Variants in DLGAP2 observed in about 807,000 individuals in gnomAD.
DLGAP2 encodes the protein disks large-associated protein 2.
In DLGAP2, 26 loss-of-function variants were observed where a neutral mutation model predicts 100.3. That is an observed-to-expected ratio of 0.26 (90% CI 0.19 to 0.36). The LOEUF is 0.36. DLGAP2 is among the 10% of genes least tolerant of loss of function. The probability of loss-of-function intolerance (pLI) is 1.00; values close to 1 mark genes in which losing one functional copy is unlikely to be tolerated. For synonymous variants in DLGAP2, 886 were observed against 630.1 expected, an observed-to-expected ratio of 1.41 and a Z score of -6.08; for missense variants, 1,858 against 1,453.2, an observed-to-expected ratio of 1.28 and a Z score of -4.53.
At chr8:1,156,965 T>C (rs961830216) in intron 2 of DLGAP2, among the ~76,000 whole-genome samples, 1 of 152,084 alleles carries the variant, frequency 6.6e-6, no homozygotes, top group East Asian at 1.9e-4. Flanking sequence ...CCGTGCTTAA[T>C]TCTCCACTGT....
At chr8:1,682,377 T>G (rs1798973124) in intron 12 of DLGAP2, among the ~76,000 whole-genome samples, 1 of 152,228 alleles carries the variant, frequency 6.6e-6, no homozygotes, top group South Asian at 2.1e-4. Flanking sequence ...TTCCAGAATA[T>G]TCTATAAATT....
intron 2 of DLGAP2, among the ~76,000 whole-genome samples, chr8:1,140,401 C>A (rs930419555): frequency 6.6e-6 from 1 of 152,172 alleles, no homozygotes; most frequent in South Asian, 2.1e-4. Context: ...ATGCCTCATG[C>A]CCTAGGGTGC....
intron 6 of DLGAP2, among the ~76,000 whole-genome samples, chr8:1,580,453 A>T (rs143807546): frequency 1.1e-4 from 16 of 152,354 alleles, no homozygotes; most frequent in African/African-American, 3.8e-4. Flanking sequence ...TGGGAATCGA[A>T]AGGCAGAAAA....
At chr8:1,554,817 C>G (rs950365259) in intron 5 of DLGAP2, among the ~76,000 whole-genome samples, 1 of 147,198 alleles carries the variant, frequency 6.8e-6, no homozygotes, top group Non-Finnish European at 1.5e-5. Context: ...CCCACCAGTT[C>G]AGGAAGGCTG....
chr8:860,050 A>T (rs1221091760), intron 1 of DLGAP2, among the ~76,000 whole-genome samples: 1 of 152,194 alleles, frequency 6.6e-6, no homozygotes, highest in Non-Finnish European at 1.5e-5. Flanking sequence ...TAAATACTAA[A>T]TTTGGTTTTA....
chr8:913,535 T>C (rs1255582955), intron 2 of DLGAP2, among the ~76,000 whole-genome samples: 2 of 152,238 alleles, frequency 1.3e-5, no homozygotes, highest in Non-Finnish European at 2.9e-5. Context: ...CCTAAAGCTA[T>C]GTAGACAATG....
At chr8:1,507,686 C>T (rs753607754) in intron 4 of DLGAP2, among the ~76,000 whole-genome samples, 1 of 151,074 alleles carries the variant, frequency 6.6e-6, no homozygotes, top group African/African-American at 2.5e-5. Flanking sequence ...ATGTGCTGAG[C>T]TTCTGTCTAG....
chr8:1,280,386 C>A (rs114049340), intron 3 of DLGAP2, among the ~76,000 whole-genome samples: 481 of 152,292 alleles, frequency 3.2e-3, no homozygotes, highest in African/African-American at 0.011. Context: ...CTACCTGCGT[C>A]ATAATACTTA....
intron 3 of DLGAP2, among the ~76,000 whole-genome samples, chr8:1,376,867 G>T (rs184413422): frequency 6.6e-6 from 1 of 152,162 alleles, no homozygotes; most frequent in African/African-American, 2.4e-5. Flanking sequence ...AAATGTGCAC[G>T]GGTAGGAAAT....
intron 3 of DLGAP2, among the ~76,000 whole-genome samples, chr8:1,483,615 C>T (rs1443630880): frequency 6.8e-6 from 1 of 148,108 alleles, no homozygotes; most frequent in Admixed American, 6.6e-5. Context: ...GAAGGCTGAA[C>T]TGCTGTGCAG....
intron 3 of DLGAP2, among the ~76,000 whole-genome samples, chr8:1,336,366 C>A (rs1235561631): frequency 6.6e-6 from 1 of 152,168 alleles, no homozygotes; most frequent in African/African-American, 2.4e-5. Context: ...AAGGAAAGAG[C>A]TGGAGGAAAA....
At chr8:1,091,724 T>C (rs939043689) in intron 2 of DLGAP2, among the ~76,000 whole-genome samples, 5 of 152,146 alleles carry the variant, frequency 3.3e-5, no homozygotes, top group East Asian at 3.9e-4. Flanking sequence ...GTTGTTGACG[T>C]TGCGTGTCTC....
chr8:1,206,483 C>T (rs200598820), intron 2 of DLGAP2, among the ~76,000 whole-genome samples: 1 of 138,302 alleles, frequency 7.2e-6, no homozygotes, highest in Admixed American at 7.6e-5. Context: ...TCCAGCCATC[C>T]GTGGGCGGGG....
chr8:1,271,310 G>T (rs9650487), intron 3 of DLGAP2, among the ~76,000 whole-genome samples: 111,465 of 151,916 alleles, frequency 0.73, 41,761 homozygotes, highest in South Asian at 0.82. Flanking sequence ...CCTCAGCCGG[G>T]GGGGTGCGCC....
At chr8:1,078,753 GC>G (rs1178329172) in intron 2 of DLGAP2, among the ~76,000 whole-genome samples, 1 of 151,856 alleles carries the variant, frequency 6.6e-6, no homozygotes, top group Non-Finnish European at 1.5e-5. Context: ...TTTCTTTTTA[GC>G]CCTGAATAAC....
At chr8:1,381,845 G>A (rs1018678027) in intron 3 of DLGAP2, among the ~76,000 whole-genome samples, 1 of 150,894 alleles carries the variant, frequency 6.6e-6, no homozygotes, top group Non-Finnish European at 1.5e-5. Context: ...TTTTCAAAGT[G>A]AGCGTAGCCA....
chr8:1,044,669 T>A (rs17065608), intron 2 of DLGAP2, among the ~76,000 whole-genome samples: 6,554 of 152,222 alleles, frequency 0.043, 452 homozygotes, highest in African/African-American at 0.15. Flanking sequence ...CGATTCCCAT[T>A]GCACTAAAAG....
intron 2 of DLGAP2, among the ~76,000 whole-genome samples, chr8:927,598 C>G (rs977898275): frequency 2.0e-5 from 3 of 152,140 alleles, no homozygotes; most frequent in African/African-American, 4.8e-5. Flanking sequence ...CGTAACAATT[C>G]TGTTCTTAAC....
At chr8:1,345,202 G>A (rs930029711) in intron 3 of DLGAP2, among the ~76,000 whole-genome samples, 2 of 62,692 alleles carry the variant, frequency 3.2e-5, no homozygotes, top group African/African-American at 8.6e-5. Flanking sequence ...AGAGTTCTGA[G>A]GAGCACTACT....
Sources: allele counts gnomAD v4.1 joint callset (sites outside exome capture counted in the v4.1 genomes callset), GRCh38; gene constraint gnomAD v4.1.1; transcripts MANE v1.5; gene names NCBI Gene and HGNC (gene_info 2026-07-23, HGNC 2026-07-21).